The following SNX29 variants were observed in gnomAD, a reference collection of about 807,000 sequenced individuals.
SNX29 encodes sorting nexin-29.
Under a neutral mutation model 102.1 loss-of-function variants are expected in SNX29, and 78 were observed. The observed-to-expected ratio is 0.76, with a 90% CI of 0.64 to 0.92. SNX29 has a LOEUF of 0.92. SNX29 is among the 40% of genes least tolerant of loss of function. The pLI, the probability that SNX29 is intolerant of heterozygous loss-of-function variation, is 0.00. For synonymous variants in SNX29, 580 were observed against 414.5 expected (o/e 1.40, Z -4.85); for missense variants, 1,280 against 1,061.7 (o/e 1.21, Z -2.86).
intron 13 of SNX29, among the ~76,000 whole-genome samples, chr16:12,164,579 A>G (rs2055929588): frequency 6.6e-6 from 1 of 151,122 alleles, no homozygotes; most frequent in African/African-American, 2.4e-5. Flanking sequence ...GCCATACAGC[A>G]TTTGGAAGCT....
At chr16:12,524,966 C>A (rs2076738883) in intron 20 of SNX29, 125 bp downstream of exon 20, 8 of 1,349,978 alleles carry the variant, frequency 5.9e-6, no homozygotes, top group Non-Finnish European at 8.0e-6. Context: ...CCCAGGCGAA[C>A]TCCAGGGGCT....
intron 19 of SNX29, among the ~76,000 whole-genome samples, chr16:12,498,519 A>G (rs573415301): frequency 2.4e-4 from 37 of 152,354 alleles, no homozygotes; most frequent in African/African-American, 8.7e-4. Flanking sequence ...AACACCATTT[A>G]TTCATCCATT....
intron 20 of SNX29, among the ~76,000 whole-genome samples, chr16:12,536,916 C>T (rs142533052): frequency 3.9e-5 from 6 of 152,230 alleles, no homozygotes; most frequent in African/African-American, 1.2e-4. Context: ...GTGGAGGTTG[C>T]AGTGAGCCGA....
At chr16:12,144,355 A>T (rs910838437) in intron 13 of SNX29, among the ~76,000 whole-genome samples, 1 of 152,240 alleles carries the variant, frequency 6.6e-6, no homozygotes, top group African/African-American at 2.4e-5. Context: ...AGTAAACCAT[A>T]AACAACATGT....
intron 19 of SNX29, among the ~76,000 whole-genome samples, chr16:12,500,490 AC>A (rs2089063560): frequency 6.6e-6 from 1 of 152,202 alleles, no homozygotes; most frequent in South Asian, 2.1e-4. Flanking sequence ...TTTGCTGTCA[AC>A]CCCATGCCGT....
chr16:12,321,141 T>C (rs2151174613), intron 15 of SNX29, among the ~76,000 whole-genome samples: 1 of 152,254 alleles, frequency 6.6e-6, no homozygotes, highest in South Asian at 2.1e-4. Context: ...GTGTCCCTTC[T>C]GTCAGCTGCC....
chr16:12,519,003 A>G (rs1567646489), intron 19 of SNX29, among the ~76,000 whole-genome samples: 5 of 152,276 alleles, frequency 3.3e-5, no homozygotes, highest in Admixed American at 3.3e-4. Flanking sequence ...TTGCAAATGC[A>G]CTGGCCCACG....
chr16:12,004,176 C>T (rs1194871463), intron 3 of SNX29, among the ~76,000 whole-genome samples: 1 of 151,716 alleles, frequency 6.6e-6, no homozygotes, highest in Non-Finnish European at 1.5e-5. Flanking sequence ...CCCGTCTCTA[C>T]TAAAAATACA....
At chr16:12,563,440 C>T (rs1332931103) in intron 20 of SNX29, among the ~76,000 whole-genome samples, 1 of 152,194 alleles carries the variant, frequency 6.6e-6, no homozygotes, top group Non-Finnish European at 1.5e-5. Flanking sequence ...ATGTCCTTTG[C>T]AGGTAAATTT....
In SNX29 at chr16:12,558,328, C is replaced by T. The variant is rs563599998; in HGVS notation, c.2319-10178C>T. On this transcript the variant is annotated intron_variant, in intron 20 of 20. Transcript: ENST00000566228. ...CCTGGTCACCTCAAGTGGCTATCAA[C>T]AAAGAGACAAAGAGGCCCCCTCAGC... is the stretch of plus-strand genomic sequence containing the variant. 2.0e-5 allele frequency among the ~76,000 whole-genome samples: 3 copies of T among 149,950 alleles called. No individual in the cohort carries two copies. The East Asian group carries it at 5.8e-4, about 29-fold the overall frequency.
chr16:12,463,196 A>G (rs74009082), intron 18 of SNX29, among the ~76,000 whole-genome samples: 5,114 of 152,246 alleles, frequency 0.034, 309 homozygotes, highest in African/African-American at 0.12. Flanking sequence ...CTTTCTCTGC[A>G]TTGCTACTCA....
intron 14 of SNX29, among the ~76,000 whole-genome samples, chr16:12,259,576 C>G (rs2078673565): frequency 6.6e-6 from 1 of 152,208 alleles, no homozygotes; most frequent in Non-Finnish European, 1.5e-5. Flanking sequence ...TCACGTGTGG[C>G]TTTATGGATG....
intron 14 of SNX29, among the ~76,000 whole-genome samples, chr16:12,245,363 G>C (rs2078230085): frequency 6.6e-6 from 1 of 151,902 alleles, no homozygotes; most frequent in South Asian, 2.1e-4. Context: ...GCGGTGACAG[G>C]TTATGTAAAG....
intron 15 of SNX29, among the ~76,000 whole-genome samples, chr16:12,287,422 A>G (rs2079635206): frequency 6.6e-6 from 1 of 152,186 alleles, no homozygotes; most frequent in Non-Finnish European, 1.5e-5. Flanking sequence ...GCAAAAGAGC[A>G]TAAAGAACTT....
chr16:12,125,807 T>C (rs1432289596), intron 11 of SNX29, among the ~76,000 whole-genome samples: 1 of 151,900 alleles, frequency 6.6e-6, no homozygotes, highest in Non-Finnish European at 1.5e-5. Context: ...AGCATTGCTG[T>C]CTCTCAAACT....
chr16:12,348,744 G>C (rs1228762699), intron 15 of SNX29, among the ~76,000 whole-genome samples: 1 of 152,178 alleles, frequency 6.6e-6, no homozygotes. Context: ...CCGAATCCCA[G>C]TTCTGCTGCT....
intron 18 of SNX29, among the ~76,000 whole-genome samples, chr16:12,475,197 G>C (rs954448916): frequency 3.3e-5 from 5 of 152,176 alleles, no homozygotes; most frequent in Non-Finnish European, 7.3e-5. Context: ...TTACATCAGG[G>C]GTTCCTGAAA....
At chr16:12,302,653 T>G (rs1295271044) in intron 15 of SNX29, among the ~76,000 whole-genome samples, 5 of 152,226 alleles carry the variant, frequency 3.3e-5, no homozygotes, top group Non-Finnish European at 7.3e-5. Context: ...GCCCTGCTCT[T>G]CTAATACATT....
At chr16:12,171,806 TGTG>T (rs2076155712) in intron 13 of SNX29, among the ~76,000 whole-genome samples, 1 of 152,230 alleles carries the variant, frequency 6.6e-6, no homozygotes, top group Admixed American at 6.5e-5. Flanking sequence ...TCTAATGTCT[TGTG>T]GTGTGGTGGT....
Sources: gnomAD v4.1 joint callset for allele counts (sites outside exome capture counted in the v4.1 genomes callset) on GRCh38, gnomAD v4.1.1 for gene constraint, MANE v1.5 for transcripts, NCBI Gene and HGNC (gene_info 2026-07-23, HGNC 2026-07-21) for gene names.